PTPRD: variants seen among roughly 807,000 people sequenced by gnomAD.
The protein encoded by PTPRD is protein tyrosine phosphatase receptor type D, also known as receptor-type tyrosine-protein phosphatase delta.
In PTPRD, 34 loss-of-function variants were observed where a neutral mutation model predicts 214.5. The ratio of observed to expected loss-of-function variants is 0.16; its 90% CI spans 0.12 to 0.21. The LOEUF is 0.21. PTPRD is among the 10% of genes least tolerant of loss of function. The pLI, the probability that PTPRD is intolerant of heterozygous loss-of-function variation, is 1.00. For synonymous variants in PTPRD, 1,128 were observed against 845.7 expected, an observed-to-expected ratio of 1.33 and a Z score of -5.79; for missense variants, 2,545 against 2,398.7, an observed-to-expected ratio of 1.06 and a Z score of -1.27.
intron 5 of PTPRD, among the ~76,000 whole-genome samples, chr9:9,917,902 G>T (rs764164326): frequency 6.9e-6 from 1 of 145,738 alleles, no homozygotes; most frequent in South Asian, 2.1e-4. Context: ...AAATTAATTA[G>T]GTATAAAAGG....
At chr9:8,536,309 T>G (rs911613855) in intron 14 of PTPRD, among the ~76,000 whole-genome samples, 6 of 151,978 alleles carry the variant, frequency 3.9e-5, no homozygotes, top group Non-Finnish European at 5.9e-5. Context: ...TTTACTTTTA[T>G]TTTTTAAATG....
chr9:9,967,005 G>C (rs7022121), intron 4 of PTPRD, among the ~76,000 whole-genome samples: 24,287 of 152,098 alleles, frequency 0.16, 2,104 homozygotes, highest in African/African-American at 0.22. Flanking sequence ...AGGGACTACA[G>C]ATCACAGATA....
Position 10,586,458 on chromosome 9 carries a change from G to A in PTPRD, c.-600+25940C>T, listed in dbSNP as rs552153389. Among the ~76,000 whole-genome samples the A allele has an allele frequency of 6.6e-5, 10 of 152,024 alleles. No individual in the cohort carries two copies. In the South Asian group the frequency reaches 1.5e-3, roughly 22 times the overall value. On this transcript the variant is annotated intron_variant, in intron 2 of 45. Transcript: ENST00000381196. ...AACGAAAATATTCAAAAAAGATGTC[G>A]AAAAGCACTGTTTTAAAGAAAGCCC...
At chr9:9,567,373 C>G (rs1370238477) in intron 8 of PTPRD, among the ~76,000 whole-genome samples, 1 of 151,810 alleles carries the variant, frequency 6.6e-6, no homozygotes, top group Non-Finnish European at 1.5e-5. Context: ...AACAGAGCAG[C>G]AAAACTGAGG....
rs869076374 is a variant in PTPRD, at chr9:9,328,618, C to CTTTTTTTTTTTTTTTTTTTTTTTT, written c.-203+68807_-203+68830dup. 1.6e-3 allele frequency among the ~76,000 whole-genome samples: 46 copies of CTTTTTTTTTTTTTTTTTTTTTTTT among 28,228 alleles called. 14 individuals carry two copies. Among genetic ancestry groups the CTTTTTTTTTTTTTTTTTTTTTTTT allele is most frequent in the Non-Finnish European group, 1.9e-3 (29 of 15,454 alleles). The allele number at this position is 28,228 out of a possible 152,430, so 18.5% of individuals were successfully genotyped here. A position where few individuals can be genotyped will look rare whatever the true frequency, so the allele number is the denominator to read the frequency against. ...ACATTTTCTTTTGTTGTTGTTCTTG[C>CTTTTTTTTTTTTTTTTTTTTTTTT]TTTTTTTTTTTTTTTTTTTTTTTTT... is the stretch of plus-strand genomic sequence containing the variant. On this transcript the variant is annotated intron_variant, in intron 9 of 45. Coordinates refer to ENST00000381196, the MANE Select transcript of PTPRD (RefSeq NM_002839.4).
At chr9:10,384,442 T>A (rs1425301403) in intron 2 of PTPRD, among the ~76,000 whole-genome samples, 2 of 151,724 alleles carry the variant, frequency 1.3e-5, no homozygotes, top group Admixed American at 6.6e-5. Context: ...TAATAAAAAA[T>A]GTTAATTGAA....
chr9:8,928,580 G>GTACCATGCTGTT (rs58910166), intron 11 of PTPRD, among the ~76,000 whole-genome samples: 148,925 of 149,502 alleles, frequency 1, 74,182 homozygotes, highest in Middle Eastern at 1. Context: ...TTTGGTACCA[G>GTACCATGCTGTT]TTGGTTACTC....
rs141876542 is a variant in PTPRD at position 8,673,014 on chromosome 9, T to C, written c.65-36170A>G. The stretch of plus-strand genomic sequence containing the variant: ...CTCCTATCCATTTCCTATATTAAAA[T>C]GAGCTTATCAAACCTGCAAAACTTA... On this transcript the variant is annotated intron_variant, in intron 12 of 45. Transcript: ENST00000381196. 1.6e-4 allele frequency among the ~76,000 whole-genome samples: 25 copies of C among 152,270 alleles called. No homozygotes were observed. The East Asian group carries it at 3.1e-3, about 19-fold the overall frequency.
At chr9:9,942,140 C>G (rs1024273661) in intron 4 of PTPRD, among the ~76,000 whole-genome samples, 1 of 152,126 alleles carries the variant, frequency 6.6e-6, no homozygotes, top group African/African-American at 2.4e-5. Flanking sequence ...CCCACCCTCA[C>G]CAAAACCACA....
At chr9:10,429,235 G>T (rs868788716) in intron 2 of PTPRD, among the ~76,000 whole-genome samples, 1 of 151,930 alleles carries the variant, frequency 6.6e-6, no homozygotes, top group Admixed American at 6.6e-5. Context: ...CTGTTGGTAG[G>T]AATGTAAATT....
At chr9:9,430,311 A>G (rs998317728) in intron 8 of PTPRD, among the ~76,000 whole-genome samples, 2 of 151,926 alleles carry the variant, frequency 1.3e-5, no homozygotes, top group African/African-American at 4.8e-5. Flanking sequence ...AATTGCTTCA[A>G]AGAGAATAAA....
rs536299937 is a variant in PTPRD at position 9,097,753 on chromosome 9, G to C, written c.-142-79018C>G. On this transcript the variant is annotated intron_variant, in intron 10 of 45. Coordinates refer to ENST00000381196, the MANE Select transcript of PTPRD (RefSeq NM_002839.4). ...ATTGTTGGGAGACAATTCTCTATGGGTCTCATGTTTCTACAGATCTTGTGA... is the reference window on the plus strand; with the variant it reads ...ATTGTTGGGAGACAATTCTCTATGGCTCTCATGTTTCTACAGATCTTGTGA... 5.3e-5 allele frequency among the ~76,000 whole-genome samples: 8 copies of C among 152,182 alleles called. No homozygotes were observed. In the East Asian group the frequency reaches 1.5e-3, roughly 29 times the overall value.
intron 11 of PTPRD, among the ~76,000 whole-genome samples, chr9:8,799,167 GTC>G (rs2096517485): frequency 6.6e-6 from 1 of 152,116 alleles, no homozygotes. Flanking sequence ...TTTCAAATTT[GTC>G]TGTTTTAAAA....
intron 3 of PTPRD, among the ~76,000 whole-genome samples, chr9:10,131,038 T>C (rs911015698): frequency 7.9e-5 from 12 of 152,124 alleles, no homozygotes; most frequent in Non-Finnish European, 1.8e-4. Flanking sequence ...GTGATACTAG[T>C]GTCAAGCAGC....
intron 10 of PTPRD, among the ~76,000 whole-genome samples, chr9:9,086,147 C>T (rs539551799): frequency 2.8e-4 from 43 of 152,278 alleles, no homozygotes; most frequent in South Asian, 2.5e-3. Context: ...GGCACCAAAT[C>T]GAATTGAAGT....
At chr9:9,314,397 A>G (rs1961278315) in intron 9 of PTPRD, among the ~76,000 whole-genome samples, 1 of 152,292 alleles carries the variant, frequency 6.6e-6, no homozygotes, top group East Asian at 1.9e-4. Context: ...GGTGTCAAAC[A>G]CATGGGTGGA....
At chr9:9,244,532 G>A (rs997148175) in intron 9 of PTPRD, among the ~76,000 whole-genome samples, 1 of 152,134 alleles carries the variant, frequency 6.6e-6, no homozygotes, top group Non-Finnish European at 1.5e-5. Flanking sequence ...AACAAGCAAT[G>A]GGGAAAGGAT....
intron 2 of PTPRD, among the ~76,000 whole-genome samples, chr9:10,366,183 T>C (rs1342582547): frequency 6.6e-6 from 1 of 152,190 alleles, no homozygotes; most frequent in Non-Finnish European, 1.5e-5. Flanking sequence ...GGCTCTGCGA[T>C]GTATGCTTCC....
intron 9 of PTPRD, among the ~76,000 whole-genome samples, chr9:9,191,002 G>A (rs2099934790): frequency 6.6e-6 from 1 of 152,040 alleles, no homozygotes; most frequent in Admixed American, 6.6e-5. Flanking sequence ...TCATCTCCTG[G>A]CATTCATACA....
Sources: gnomAD v4.1 joint callset for allele counts (sites outside exome capture counted in the v4.1 genomes callset) on GRCh38, gnomAD v4.1.1 for gene constraint, MANE v1.5 for transcripts, NCBI Gene and HGNC (gene_info 2026-07-23, HGNC 2026-07-21) for gene names.